Variants in MTMR10 observed in about 807,000 individuals in gnomAD.
MTMR10 encodes myotubularin-related protein 10.
A neutral mutation model predicts 88.1 loss-of-function variants in MTMR10; 56 were observed. The ratio of observed to expected loss-of-function variants is 0.64; its 90% CI spans 0.51 to 0.79. The LOEUF (loss-of-function observed/expected upper bound fraction) is 0.79. MTMR10 is among the 30% of genes least tolerant of loss of function. The pLI is 0.00. For synonymous variants in MTMR10, 380 were observed against 340.9 expected (o/e 1.11, Z -1.26); for missense variants, 883 against 924.7 (o/e 0.95, Z 0.58).
At chr15:30,968,451 A>C (rs2063497449) in intron 5 of MTMR10, among the ~76,000 whole-genome samples, 1 of 152,112 alleles carries the variant, frequency 6.6e-6, no homozygotes, top group South Asian at 2.1e-4. Context: ...ACATCTAAAT[A>C]GAGAAACATA....
rs1178421416 is a variant in MTMR10 at position 30,940,515 on chromosome 15, G to C, written c.*955C>G. ...TAGTTATTTCCAGGGGGAAGTGCCAGCAATAGTTTACCACACTGGAAATAC... is the reference window on the plus strand; with the variant it reads ...TAGTTATTTCCAGGGGGAAGTGCCACCAATAGTTTACCACACTGGAAATAC... On this transcript the variant is annotated 3_prime_UTR_variant, in exon 16 of 16. Coordinates refer to ENST00000435680, the MANE Select transcript of MTMR10 (RefSeq NM_017762.3). 5.1e-6 allele frequency: 5 copies of C among 985,356 alleles called. No individual in the cohort carries two copies. Among genetic ancestry groups the C allele is most frequent in the South Asian group, 4.7e-5 (1 of 21,294 alleles). The allele number at this position is 985,356 out of a possible 1,614,324, so 61.0% of individuals were successfully genotyped here.
In MTMR10 at chr15:30,987,946, T is replaced by G. The variant is rs558455234; in HGVS notation, c.121+2831A>C. ...TCCATGTTGAACAATAACTTCTGCA[T>G]CCCTGTATATAGCCACAGGTGATGT... On this transcript the variant is annotated intron_variant, in intron 2 of 15. Transcript: ENST00000435680. Among the ~76,000 whole-genome samples, 267 of 148,780 alleles carry G rather than the reference T, an allele frequency of 1.8e-3. 2 individuals carry two copies. Among genetic ancestry groups the G allele is most frequent in the African/African-American group, 6.3e-3 (252 of 40,304 alleles).
chr15:30,962,578 C>A (rs80119297), intron 6 of MTMR10, among the ~76,000 whole-genome samples: 2,278 of 151,836 alleles, frequency 0.015, 59 homozygotes, highest in African/African-American at 0.052. Context: ...TTCCCATTCT[C>A]CTCTGCAGCC....
At chr15:30,951,417 C>A (rs2063244153) in intron 12 of MTMR10, among the ~76,000 whole-genome samples, 1 of 152,168 alleles carries the variant, frequency 6.6e-6, no homozygotes, top group Non-Finnish European at 1.5e-5. Context: ...GGGACCCACC[C>A]TTCCCATAAA....
intron 2 of MTMR10, among the ~76,000 whole-genome samples, chr15:30,989,586 G>GTT (rs35798908): frequency 8.8e-4 from 126 of 143,412 alleles, no homozygotes; most frequent in South Asian, 1.8e-3. Flanking sequence ...TTGATTTCAG[G>GTT]TTTTTTTTTT....
the MTMR10 span, chr15:30,930,650 C>A: frequency 1.2e-6 from 2 of 1,612,586 alleles, no homozygotes; most frequent in Non-Finnish European, 1.7e-6. Flanking sequence ...TGGTGTGGAA[C>A]TCCCAGAGCC....
At position 30,939,396 on chromosome 15, in the gene MTMR10, TCAC is replaced by T. The variant is rs781099456; in HGVS notation, c.*2071_*2073del. The T allele has an allele frequency of 1.6e-5, 16 of 985,338 alleles. No homozygotes were observed. Among genetic ancestry groups the T allele is most frequent in the East Asian group, 1.1e-4 (1 of 8,836 alleles). The allele number at this position is 985,338 out of a possible 1,614,324, so 61.0% of individuals were successfully genotyped here. A position where few individuals can be genotyped will look rare whatever the true frequency, so the allele number is the denominator to read the frequency against. On this transcript the variant is annotated 3_prime_UTR_variant, in exon 16 of 16. Transcript: ENST00000435680. Reference sequence around the variant, plus strand: ...GCCCTGTGCAGCCACACCACTGCTGTCACCACATGTCCCTCTGACGGCAGAGGT... The same window carrying T: ...GCCCTGTGCAGCCACACCACTGCTGTCACATGTCCCTCTGACGGCAGAGGT...
At chr15:30,922,158 T>C in the MTMR10 span, 1 of 1,520,046 alleles carries the variant, frequency 6.6e-7, no homozygotes, top group Non-Finnish European at 8.9e-7. Flanking sequence ...GCTTTACCAA[T>C]CCTATGGGCT....
chr15:30,927,287 G>T, the MTMR10 span: 6 of 985,422 alleles, frequency 6.1e-6, no homozygotes, highest in Non-Finnish European at 7.2e-6. Context: ...TCACCAGGAC[G>T]GAACACTGAC....
At chr15:30,931,732 A>G in the MTMR10 span, among the ~76,000 whole-genome samples, 77 of 152,140 alleles carry the variant, frequency 5.1e-4, no homozygotes, top group African/African-American at 1.7e-3. Flanking sequence ...AGTAACCCAT[A>G]TATATGTGGG....
intron 2 of MTMR10, among the ~76,000 whole-genome samples, chr15:30,984,603 C>T (rs2030817581): frequency 6.6e-6 from 1 of 152,108 alleles, no homozygotes; most frequent in Non-Finnish European, 1.5e-5. Flanking sequence ...GGCCAGTGAG[C>T]TTGTAAAAAA....
At chr15:30,974,213 A>G in intron 5 of MTMR10, 101 bp downstream of exon 5, 1 of 1,128,132 alleles carries the variant, frequency 8.9e-7, no homozygotes, top group Non-Finnish European at 1.1e-6. Flanking sequence ...AACTTCCCCT[A>G]AAAAACATCT....
chr15:30,918,922 A>G, the MTMR10 span, among the ~76,000 whole-genome samples: 1 of 152,292 alleles, frequency 6.6e-6, no homozygotes, highest in East Asian at 1.9e-4. Context: ...ACAGTCAAGA[A>G]TCTGTGTGTA....
chr15:30,982,884 G>A (rs1044211891), intron 2 of MTMR10, among the ~76,000 whole-genome samples: 2 of 152,106 alleles, frequency 1.3e-5, no homozygotes, highest in African/African-American at 2.4e-5. Flanking sequence ...AAACACTGTG[G>A]GCCAGAAAAC....
chr15:30,943,089 T>TA lies in MTMR10; in HGVS notation c.1549-18dup. Reference sequence around the variant, plus strand: ...AGCAAATTCCTGCAAAATAAATAAATAAATATTTGCAAAACTAAAGATTCT... The same window carrying TA: ...AGCAAATTCCTGCAAAATAAATAAATAAAATATTTGCAAAACTAAAGATTCT... On this transcript the variant is annotated splice_polypyrimidine_tract_variant and intron_variant, in intron 14 of 15. Transcript: ENST00000435680. 1 of 1,528,794 alleles carries TA rather than the reference T, an allele frequency of 6.5e-7. No homozygotes were observed. The highest frequency in any genetic ancestry group is 8.8e-7 in the Non-Finnish European group (1 of 1,139,424). The allele number at this position is 1,528,794 out of a possible 1,614,324, so 94.7% of individuals were successfully genotyped here. A position where few individuals can be genotyped will look rare whatever the true frequency, so the allele number is the denominator to read the frequency against.
At position 30,990,781 on chromosome 15, in the gene MTMR10, C is replaced by A; in HGVS notation, c.117G>T (p.Leu39Phe). The change falls in exon 2 of 16, where the codon TTG becomes TTT. Residue 39 changes from leucine (L) to phenylalanine (F), a missense_variant. This residue lies in a region of MTMR10 where 414 missense variants were observed against 423.2 expected (regional missense o/e 0.98). Coordinates refer to ENST00000435680, the MANE Select transcript of MTMR10 (RefSeq NM_017762.3). ...PKIKKLEPVL[L>F]PGEIVVNEVN... is the part of the protein sequence containing the mutation. ...AGAATCCTAACTAATGTTTACCTGGCAAAAGGACTGGCTCCAGTTTTTTAA... is the reference window on the plus strand; with the variant it reads ...AGAATCCTAACTAATGTTTACCTGGAAAAAGGACTGGCTCCAGTTTTTTAA... The A allele has an allele frequency of 6.2e-7, 1 of 1,609,344 alleles. No individual in the cohort carries two copies. Among genetic ancestry groups the A allele is most frequent in the Non-Finnish European group, 8.5e-7 (1 of 1,177,664 alleles).
At chr15:30,989,967 ATTATACAATTG>A (rs1401610520) in intron 2 of MTMR10, among the ~76,000 whole-genome samples, 1 of 152,130 alleles carries the variant, frequency 6.6e-6, no homozygotes, top group Non-Finnish European at 1.5e-5. Context: ...TTTCCTAATT[ATTATACAATTG>A]TTATACAATT....
chr15:30,968,616 T>C lies in MTMR10; in HGVS notation c.475-606A>G, dbSNP rs966779423. 4.0e-5 allele frequency among the ~76,000 whole-genome samples: 6 copies of C among 151,366 alleles called. No individual in the cohort carries two copies. The East Asian group carries it at 1.2e-3, about 29-fold the overall frequency. On this transcript the variant is annotated intron_variant, in intron 5 of 15. Transcript: ENST00000435680. Reference sequence around the variant, plus strand: ...TAAAATGGTTTGGGACTGTGTGCCCTGTGGTGGAAAACGTGCGGGCTTTAG... The same window carrying C: ...TAAAATGGTTTGGGACTGTGTGCCCCGTGGTGGAAAACGTGCGGGCTTTAG...
the MTMR10 span, among the ~76,000 whole-genome samples, chr15:30,923,958 C>T: frequency 3.2e-3 from 493 of 152,270 alleles, 2 homozygotes; most frequent in African/African-American, 0.011. Context: ...CTTACCACTC[C>T]AAACAGAAAC....
Sources: gnomAD v4.1 joint callset for allele counts (sites outside exome capture counted in the v4.1 genomes callset) on GRCh38, gnomAD v4.1.1 for gene constraint, gnomAD v4.1.1 regional missense constraint, MANE v1.5 for transcripts, NCBI Gene and HGNC (gene_info 2026-07-23, HGNC 2026-07-21) for gene names.